PLEKHG3: variants seen among roughly 807,000 people sequenced by gnomAD.
PLEKHG3 encodes the protein pleckstrin homology domain-containing family G member 3.
Under a neutral mutation model 94.9 loss-of-function variants are expected in PLEKHG3, and 62 were observed. That is an observed-to-expected ratio of 0.65 (90% CI 0.53 to 0.81). The LOEUF is 0.81. Among genes scored for constraint, PLEKHG3 ranks in the 30% least tolerant of loss-of-function variants. The pLI, the probability that PLEKHG3 is intolerant of heterozygous loss-of-function variation, is 0.00. For missense variants in PLEKHG3, 1,461 were observed against 1,619.3 expected (o/e 0.90, Z 1.68); for synonymous variants, 614 against 654.0 (o/e 0.94, Z 0.93).
rs2081255086 is a variant in PLEKHG3 at position 64,721,082 on chromosome 14, G to C, written c.-39-6511G>C. Among the ~76,000 whole-genome samples the C allele has an allele frequency of 6.6e-6, 1 of 152,290 alleles. No individual in the cohort carries two copies. The highest frequency in any genetic ancestry group is 1.5e-5 in the Non-Finnish European group (1 of 68,040). ...CATCTGCCTTCTATGTGTCCCTTTT[G>C]CCATATAAGGTGACATTCATAGGTT... On this transcript the variant is annotated intron_variant, in intron 1 of 16. Transcript: ENST00000247226. The surrounding 1 kb of genome is among the most constrained non-coding windows in gnomAD (Gnocchi z 4.3).
Position 64,716,452 on chromosome 14 carries a change from A to ACACACACACACACACAC in PLEKHG3, c.-39-11127_-39-11126insCACCACACACACACACA, listed in dbSNP as rs2081150122. ...TAGGGCCCTACACACACACACACACACACACACACACACAACACACACACA... is the reference window on the plus strand; with the variant it reads ...TAGGGCCCTACACACACACACACACACACACACACACACACACCACACACACACACAACACACACACA... On this transcript the variant is annotated intron_variant, in intron 1 of 16. Coordinates refer to ENST00000247226, the MANE Select transcript of PLEKHG3 (RefSeq NM_001308147.2). This position sits in a 1 kb window ranked among gnomAD's most constrained non-coding sequence, Gnocchi z 5.0. Among the ~76,000 whole-genome samples the ACACACACACACACACAC allele has an allele frequency of 3.8e-5, 5 of 132,782 alleles. No homozygotes were observed. The highest frequency in any genetic ancestry group is 1.2e-4 in the African/African-American group (4 of 34,088). The allele number at this position is 132,782 out of a possible 152,430, so 87.1% of individuals were successfully genotyped here.
intron 1 of PLEKHG3, among the ~76,000 whole-genome samples, chr14:64,709,019 C>T (rs1366702159): frequency 6.6e-6 from 1 of 152,222 alleles, no homozygotes; most frequent in Non-Finnish European, 1.5e-5. Context: ...GAAAACTGGA[C>T]AACGTGGACT....
In PLEKHG3 at chr14:64,727,727, T is replaced by A; in HGVS notation, c.96T>A (p.Ser32Arg). 1 of 1,612,024 alleles carries A rather than the reference T, an allele frequency of 6.2e-7. No individual in the cohort carries two copies. Among genetic ancestry groups the A allele is most frequent in the South Asian group, 1.1e-5 (1 of 91,000 alleles). The change falls in exon 2 of 17, where the codon AGT (serine) becomes AGA (arginine). Residue 32 changes from serine to arginine, a missense_variant. Around this residue, in one of 3 missense-constraint regions of PLEKHG3, gnomAD observed 253 missense variants for 297.8 expected, o/e 0.85. Coordinates refer to ENST00000247226, the MANE Select transcript of PLEKHG3 (RefSeq NM_001308147.2). The surrounding 1 kb of genome is among the most constrained non-coding windows in gnomAD (Gnocchi z 6.0). ...TTSSSGSSCDSRSAMEEPSSS... is the reference protein window; with the variant it reads ...TTSSSGSSCDRRSAMEEPSSS... Reference sequence around the variant, plus strand: ...CCTCGTCGGGCTCCTCCTGTGACAGTCGCAGTGCCATGGAGGAGCCCAGCA... The same window carrying A: ...CCTCGTCGGGCTCCTCCTGTGACAGACGCAGTGCCATGGAGGAGCCCAGCA...
intron 1 of PLEKHG3, among the ~76,000 whole-genome samples, chr14:64,724,658 GTCATAAGCCCCAA>G (rs2081321444): frequency 6.6e-6 from 1 of 152,222 alleles, no homozygotes; most frequent in South Asian, 2.1e-4. Flanking sequence ...CGAGTGTCAT[GTCATAAGCCCCAA>G]TCCTTCAGGT....
In PLEKHG3 at chr14:64,719,851, T is replaced by C. The variant is rs183634334; in HGVS notation, c.-39-7742T>C. ...TTTGCAGGGCTGGGTTCTTGAACTTTGCTGGTAAGTAGCAGCGGTCCTGTG... is the reference window on the plus strand; with the variant it reads ...TTTGCAGGGCTGGGTTCTTGAACTTCGCTGGTAAGTAGCAGCGGTCCTGTG... On this transcript the variant is annotated intron_variant, in intron 1 of 16. Coordinates refer to ENST00000247226, the MANE Select transcript of PLEKHG3 (RefSeq NM_001308147.2). Among the ~76,000 whole-genome samples the C allele has an allele frequency of 9.2e-5, 14 of 152,336 alleles. No homozygotes were observed. In the East Asian group the frequency reaches 2.7e-3, roughly 29 times the overall value.
At position 64,722,035 on chromosome 14, in the gene PLEKHG3, C is replaced by T. The variant is rs888906482; in HGVS notation, c.-39-5558C>T. Among the ~76,000 whole-genome samples, 2 of 152,270 alleles carry T rather than the reference C, an allele frequency of 1.3e-5. No individual in the cohort carries two copies. Among genetic ancestry groups the T allele is most frequent in the African/African-American group, 2.4e-5 (1 of 41,536 alleles). ...TTCTCTATTGCTTCCTTCTGGCACCCTTTTTGAAGGGATTCCGAAAGTGCC... is the reference window on the plus strand; with the variant it reads ...TTCTCTATTGCTTCCTTCTGGCACCTTTTTTGAAGGGATTCCGAAAGTGCC... On this transcript the variant is annotated intron_variant, in intron 1 of 16. Coordinates refer to ENST00000247226, the MANE Select transcript of PLEKHG3 (RefSeq NM_001308147.2). This position sits in a 1 kb window ranked among gnomAD's most constrained non-coding sequence, Gnocchi z 4.3.
At chr14:64,737,994 G>GAGGAGT in intron 14 of PLEKHG3, 1 of 1,259,578 alleles carries the variant, frequency 7.9e-7, no homozygotes, top group Non-Finnish European at 1.0e-6. Context: ...GGAGGAGGAG[G>GAGGAGT]AGGAGGAGGA....
rs2139378931 is a variant in PLEKHG3, at chr14:64,727,412, A to G, written c.-39-181A>G. Among the ~76,000 whole-genome samples, 1 of 152,344 alleles carries G rather than the reference A, an allele frequency of 6.6e-6. No individual in the cohort carries two copies. Among genetic ancestry groups the G allele is most frequent in the East Asian group, 1.9e-4 (1 of 5,192 alleles). On this transcript the variant is annotated intron_variant, in intron 1 of 16. Coordinates refer to ENST00000247226, the MANE Select transcript of PLEKHG3 (RefSeq NM_001308147.2). The surrounding 1 kb of genome is among the most constrained non-coding windows in gnomAD (Gnocchi z 6.0). ...CAGTTCAGTGACAGTAGGTACATTCATATCATTGTGCAATGTCATCACTGT... is the reference window on the plus strand; with the variant it reads ...CAGTTCAGTGACAGTAGGTACATTCGTATCATTGTGCAATGTCATCACTGT...
intron 1 of PLEKHG3, among the ~76,000 whole-genome samples, chr14:64,705,368 A>G (rs1447685224): frequency 6.6e-6 from 1 of 152,302 alleles, no homozygotes; most frequent in East Asian, 1.9e-4. Flanking sequence ...TTAAATAGCT[A>G]CTTTGACTCT....
At chr14:64,713,340 T>A (rs1168838697) in intron 1 of PLEKHG3, among the ~76,000 whole-genome samples, 1 of 152,202 alleles carries the variant, frequency 6.6e-6, no homozygotes, top group Non-Finnish European at 1.5e-5. Flanking sequence ...CCTGCTGTTT[T>A]TTTGTGGGGT....
At position 64,717,241 on chromosome 14, in the gene PLEKHG3, G is replaced by A. The variant is rs2081184065; in HGVS notation, c.-39-10352G>A. On this transcript the variant is annotated intron_variant, in intron 1 of 16. Transcript: ENST00000247226. The surrounding 1 kb of genome is among the most constrained non-coding windows in gnomAD (Gnocchi z 4.7). ...GTCAGAGCCCAGGGCAAAGAAAGGG[G>A]ATGTGTTGGAGCTCTTCTCTTGCTG... Among the ~76,000 whole-genome samples the A allele has an allele frequency of 1.3e-5, 2 of 152,178 alleles. No individual in the cohort carries two copies. Among genetic ancestry groups the A allele is most frequent in the African/African-American group, 2.4e-5 (1 of 41,446 alleles).
Position 64,731,373 on chromosome 14 carries a change from C to T in PLEKHG3, c.862C>T (p.Leu288Phe), listed in dbSNP as rs1257078571. The T allele has an allele frequency of 1.2e-6, 2 of 1,613,510 alleles. No individual in the cohort carries two copies. The highest frequency in any genetic ancestry group is 2.2e-5 in the East Asian group (1 of 44,862). ...HAVRLQEIQS[L>F]LINWKGPDLT... is the part of the protein sequence containing the mutation. ...CCCTCTGCTGCAGGAGATTCAGTCACTCCTCATCAACTGGAAGGGGCCCGA... is the reference window on the plus strand; with the variant it reads ...CCCTCTGCTGCAGGAGATTCAGTCATTCCTCATCAACTGGAAGGGGCCCGA... Residue 288 changes from leucine (L) to phenylalanine (F), a missense_variant, in exon 8 of 17, where the codon CTC becomes TTC. Leu to Phe is a conservative substitution (Grantham distance 22). Around this residue, in one of 3 missense-constraint regions of PLEKHG3, gnomAD observed 1,201 missense variants for 1,295.5 expected, o/e 0.93. Transcript: ENST00000247226. The surrounding 1 kb of genome is among the most constrained non-coding windows in gnomAD (Gnocchi z 6.1).
At chr14:64,736,942 G>C in intron 13 of PLEKHG3, 51 bp downstream of exon 13, 1 of 1,447,160 alleles carries the variant, frequency 6.9e-7, no homozygotes, top group Non-Finnish European at 9.7e-7. Context: ...GAGGAGGAGG[G>C]AGGAGGGGAA....
rs774797515 is a variant in PLEKHG3, at chr14:64,743,248, G to A, written c.3205G>A (p.Gly1069Ser). The A allele has an allele frequency of 1.3e-5, 21 of 1,606,592 alleles. No individual in the cohort carries two copies. The highest frequency in any genetic ancestry group is 2.7e-5 in the African/African-American group (2 of 74,876). ...CGATGAGGCACGCCGAGCAGGGGGC[G>A]GCCGGCCCCGCGGCCCACCCGTCAA... ...SRDEARRAGG[G>S]RPRGPPVNRS... Residue 1069 changes from glycine (G) to serine (S), a missense_variant, in exon 17 of 17, where the codon GGC becomes AGC. Gly to Ser is a moderately conservative substitution (Grantham distance 56). Coordinates refer to ENST00000247226, the MANE Select transcript of PLEKHG3 (RefSeq NM_001308147.2). This position sits in a 1 kb window ranked among gnomAD's most constrained non-coding sequence, Gnocchi z 7.2.
In PLEKHG3 at chr14:64,749,698, T is replaced by A; in HGVS notation, c.*5995T>A. 6.2e-7 allele frequency: 1 copy of A among 1,613,716 alleles called. No homozygotes were observed. Among genetic ancestry groups the A allele is most frequent in the Non-Finnish European group, 8.5e-7 (1 of 1,179,890 alleles). ...AGCCACTCGCTGCCATTACTCAGCC[T>A]AGGAGGACAAAGGGTTTCCTGTCAT... On this transcript the variant is annotated 3_prime_UTR_variant, in exon 17 of 17. Coordinates refer to ENST00000247226, the MANE Select transcript of PLEKHG3 (RefSeq NM_001308147.2). The surrounding 1 kb of genome is among the most constrained non-coding windows in gnomAD (Gnocchi z 4.7).
chr14:64,731,035 C>T lies in PLEKHG3; in HGVS notation c.718-3C>T. On this transcript the variant is annotated splice_region_variant and splice_polypyrimidine_tract_variant and intron_variant, in intron 6 of 16. Coordinates refer to ENST00000247226, the MANE Select transcript of PLEKHG3 (RefSeq NM_001308147.2). This position sits in a 1 kb window ranked among gnomAD's most constrained non-coding sequence, Gnocchi z 6.1. ...GGCACCTAAGCGTCTATCTTCTGCG[C>T]AGGAAATTGCCAAGCATTTTGATGA... 1 of 1,614,104 alleles carries T rather than the reference C, an allele frequency of 6.2e-7. No homozygotes were observed. Among genetic ancestry groups the T allele is most frequent in the Non-Finnish European group, 8.5e-7 (1 of 1,180,026 alleles).
chr14:64,731,850 AG>A lies in PLEKHG3; in HGVS notation c.1125+48del, dbSNP rs748834496. 3 of 1,387,586 alleles carry A rather than the reference AG, an allele frequency of 2.2e-6. No homozygotes were observed. Among genetic ancestry groups the A allele is most frequent in the African/African-American group, 2.8e-5 (2 of 70,466 alleles). The allele number at this position is 1,387,586 out of a possible 1,614,324, so 86.0% of individuals were successfully genotyped here. On this transcript the variant is annotated intron_variant, in intron 9 of 16. Transcript: ENST00000247226. The surrounding 1 kb of genome is among the most constrained non-coding windows in gnomAD (Gnocchi z 6.1). ...TCAGGGGCTAGGGAACAAGATGCCC[AG>A]GGGACACCTGCGTGGGACTCCTGGC...
chr14:64,729,141 C>T, intron 3 of PLEKHG3, 48 bp downstream of exon 3: 1 of 836,172 alleles, frequency 1.2e-6, no homozygotes, highest in Non-Finnish European at 1.9e-6. Flanking sequence ...GCGAGGCCCA[C>T]CTCAGGGCCT....
At position 64,716,791 on chromosome 14, in the gene PLEKHG3, T is replaced by A. The variant is rs2081170545; in HGVS notation, c.-39-10802T>A. ...CGACTGCAAATCAAGGCCTCACTTTTCAAGGAGTAGACGCTGCTTCCTCGG... is the reference window on the plus strand; with the variant it reads ...CGACTGCAAATCAAGGCCTCACTTTACAAGGAGTAGACGCTGCTTCCTCGG... On this transcript the variant is annotated intron_variant, in intron 1 of 16. Transcript: ENST00000247226. This position sits in a 1 kb window ranked among gnomAD's most constrained non-coding sequence, Gnocchi z 5.0. Among the ~76,000 whole-genome samples, 2 of 152,074 alleles carry A rather than the reference T, an allele frequency of 1.3e-5. No individual in the cohort carries two copies. The highest frequency in any genetic ancestry group is 2.9e-5 in the Non-Finnish European group (2 of 68,012).
Sources: gnomAD v4.1 joint callset for allele counts (sites outside exome capture counted in the v4.1 genomes callset) on GRCh38, gnomAD v4.1.1 for gene constraint, gnomAD v4.1.1 regional missense constraint, Gnocchi (gnomAD v3.1) non-coding constraint, MANE v1.5 for transcripts, NCBI Gene and HGNC (gene_info 2026-07-23, HGNC 2026-07-21) for gene names.